Variants in LIG1 observed in about 807,000 individuals in gnomAD.
The protein encoded by LIG1 is ligase I, DNA, ATP-dependent.
Under a neutral mutation model 115.7 loss-of-function variants are expected in LIG1, and 70 were observed. The observed-to-expected ratio is 0.60, with a 90% CI of 0.50 to 0.74. The LOEUF (loss-of-function observed/expected upper bound fraction) is 0.74, where lower values mean the gene tolerates loss of function less well. Ranked by LOEUF, LIG1 falls within the 30% of genes least tolerant of loss-of-function variation. The probability of loss-of-function intolerance (pLI) is 0.00; values close to 1 mark genes in which losing one functional copy is unlikely to be tolerated. For synonymous variants in LIG1, 487 were observed against 495.3 expected (o/e 0.98, Z 0.22); for missense variants, 1,115 against 1,225.6 (o/e 0.91, Z 1.35).
intron 9 of LIG1, chr19:48,145,865 CT>C (rs2035078942): frequency 6.6e-6 from 1 of 152,264 alleles, no homozygotes; most frequent in Non-Finnish European, 1.5e-5. Context: ...CACAGAAAGG[CT>C]AAGTCACTTC....
chr19:48,167,527 G>A (rs928718648), intron 1 of LIG1, among the ~76,000 whole-genome samples: 2 of 151,944 alleles, frequency 1.3e-5, no homozygotes, highest in Non-Finnish European at 2.9e-5. Context: ...ACTCAATTTT[G>A]GAATCAAAAA....
Position 48,143,969 on chromosome 19 carries a change from G to A in LIG1, c.777-6C>T, listed in dbSNP as rs763738541. 10 of 1,609,710 alleles carry A rather than the reference G, an allele frequency of 6.2e-6. No homozygotes were observed. Among genetic ancestry groups the A allele is most frequent in the Non-Finnish European group, 8.5e-6 (10 of 1,176,198 alleles). On this transcript the variant is annotated splice_region_variant and splice_polypyrimidine_tract_variant and intron_variant, in intron 9 of 27. Coordinates refer to ENST00000263274, the MANE Select transcript of LIG1 (RefSeq NM_000234.3). The stretch of plus-strand genomic sequence containing the variant: ...AACCAGATGGATCCAGGGGTCTACG[G>A]AGGCAAAACGGAGATTGAATTGCAT...
intron 12 of LIG1, among the ~76,000 whole-genome samples, chr19:48,138,525 CT>C (rs2034542610): frequency 6.6e-6 from 1 of 152,236 alleles, no homozygotes; most frequent in Non-Finnish European, 1.5e-5. Flanking sequence ...CAGTGTGAGC[CT>C]CACCAATGGG....
intron 17 of LIG1, chr19:48,133,314 C>T (rs879559222): frequency 3.3e-5 from 19 of 578,806 alleles, no homozygotes; most frequent in Non-Finnish European, 4.7e-5. Context: ...TTGGAACCCA[C>T]GCAGCATGTG....
At chr19:48,139,580 T>G (rs935652490) in intron 12 of LIG1, among the ~76,000 whole-genome samples, 5 of 152,262 alleles carry the variant, frequency 3.3e-5, no homozygotes, top group African/African-American at 9.6e-5. Context: ...CCCTTCAGGC[T>G]GCTGGCCCCC....
chr19:48,131,858 C>T (rs534891633), intron 18 of LIG1, among the ~76,000 whole-genome samples: 38 of 151,602 alleles, frequency 2.5e-4, no homozygotes, highest in African/African-American at 8.0e-4. Flanking sequence ...TTGTCACTAT[C>T]GTAAATCATC....
Position 48,137,046 on chromosome 19 carries a change from A to C in LIG1, c.1293T>G (p.Phe431Leu). Residue 431 changes from phenylalanine to leucine, a missense_variant, in exon 14 of 28, where the codon TTT (phenylalanine) becomes TTG (leucine). Transcript: ENST00000263274. This position sits in a 1 kb window ranked among gnomAD's most constrained non-coding sequence, Gnocchi z 4.3. ...GGGCTTCTGAGTGGCGGCAGGCCAC[A>C]AAGAGGCCTTTGATGATGTCTATCT... ...AKKIDIIKGL[F>L]VACRHSEARF... The C allele has an allele frequency of 1.9e-6, 3 of 1,612,462 alleles. No homozygotes were observed. Among genetic ancestry groups the C allele is most frequent in the Non-Finnish European group, 2.5e-6 (3 of 1,179,576 alleles).
intron 25 of LIG1, among the ~76,000 whole-genome samples, chr19:48,118,827 AG>A (rs1473856174): frequency 1.3e-5 from 2 of 152,226 alleles, no homozygotes; most frequent in Non-Finnish European, 2.9e-5. Context: ...CACATTGATC[AG>A]GGCTCACAGG....
chr19:48,145,279 G>T (rs1248893509), intron 9 of LIG1, among the ~76,000 whole-genome samples: 1 of 152,200 alleles, frequency 6.6e-6, no homozygotes, highest in Non-Finnish European at 1.5e-5. Context: ...AATCTGCTCT[G>T]CCCCGGCCAG....
At chr19:48,141,304 T>A (rs1321268079) in intron 11 of LIG1, among the ~76,000 whole-genome samples, 1 of 152,156 alleles carries the variant, frequency 6.6e-6, no homozygotes, top group Non-Finnish European at 1.5e-5. Flanking sequence ...TAATTTTTTT[T>A]AATTTTTAGT....
chr19:48,156,989 GGGGCA>G lies in LIG1; in HGVS notation c.370+20_370+24del, dbSNP rs758069083. ...AGAAAAAGAAAGGCAGGCGACTGAAGGGGCAGGGGCCCGTGTGTTCTCACCTGTGC... is the reference window on the plus strand; with the variant it reads ...AGAAAAAGAAAGGCAGGCGACTGAAGGGGGCCCGTGTGTTCTCACCTGTGC... On this transcript the variant is annotated intron_variant, in intron 5 of 27. Transcript: ENST00000263274. 2 of 423,792 alleles carry G rather than the reference GGGGCA, an allele frequency of 4.7e-6. No individual in the cohort carries two copies. Among genetic ancestry groups the G allele is most frequent in the Admixed American group, 6.2e-5 (1 of 16,142 alleles). 26.3% of individuals were successfully genotyped at this position (423,792 alleles called of 1,614,324 possible). A position where few individuals can be genotyped will look rare whatever the true frequency, so the allele number is the denominator to read the frequency against.
chr19:48,136,048 G>A lies in LIG1; in HGVS notation c.1409C>T (p.Thr470Met), dbSNP rs372266709. 5.8e-5 allele frequency: 91 copies of A among 1,566,768 alleles called. No homozygotes were observed. The highest frequency in any genetic ancestry group is 9.4e-5 in the South Asian group (8 of 85,126). Residue 470 changes from threonine to methionine, a missense_variant, in exon 15 of 28, where the codon ACG becomes ATG. By Grantham distance (81) the Thr-to-Met change is moderately conservative. Transcript: ENST00000263274. ...LAALSQAVSL[T>M]PPGQEFPPAM... is the part of the protein sequence containing the mutation. ...CAGGAGCTCACCTTGGCCCGGGGGC[G>A]TGAGGCTCACTGCCTGGGAGAGGGC...
At chr19:48,151,468 C>T (rs567348847) in intron 6 of LIG1, 129 bp from the exon 7 acceptor site, 60 of 672,720 alleles carry the variant, frequency 8.9e-5, no homozygotes, top group South Asian at 1.8e-4. Flanking sequence ...TCGTTCTTAC[C>T]GCCCAGGCTG....
intron 9 of LIG1, among the ~76,000 whole-genome samples, chr19:48,148,155 G>A (rs2035241036): frequency 6.6e-6 from 1 of 152,150 alleles, no homozygotes; most frequent in Non-Finnish European, 1.5e-5. Flanking sequence ...GGACAGTGTT[G>A]TAGGCCGGGG....
rs201152040 is a variant in LIG1, at chr19:48,150,092, G to A, written c.693C>T (p.Phe231=). 22 of 1,614,090 alleles carry A rather than the reference G, an allele frequency of 1.4e-5. No homozygotes were observed. The highest frequency in any genetic ancestry group is 1.9e-5 in the Non-Finnish European group (22 of 1,180,052). ...GGGTGAGCAAGGGAAACTCACTGAAGAAGCTGCTGAGCGTCTTGGGAGCTC... is the reference window on the plus strand; with the variant it reads ...GGGTGAGCAAGGGAAACTCACTGAAAAAGCTGCTGAGCGTCTTGGGAGCTC... The part of the protein sequence containing the change: ...PRRAPKTLSS[F]FTPRKPAVKK... Residue 231 remains phenylalanine (F), a synonymous_variant, in exon 8 of 28, where the codon TTC becomes TTT. Coordinates refer to ENST00000263274, the MANE Select transcript of LIG1 (RefSeq NM_000234.3).
intron 23 of LIG1, 92 bp from the exon 24 acceptor site, chr19:48,121,414 G>C: frequency 8.1e-7 from 1 of 1,238,596 alleles, no homozygotes; most frequent in Admixed American, 2.9e-5. Context: ...ACTGAGGAGG[G>C]ACTAGAAGTA....
chr19:48,143,531 C>A lies in LIG1; in HGVS notation c.914+12G>T. 1 of 808,080 alleles carries A rather than the reference C, an allele frequency of 1.2e-6. No individual in the cohort carries two copies. Among genetic ancestry groups the A allele is most frequent in the Non-Finnish European group, 2.0e-6 (1 of 511,254 alleles). 50.1% of individuals were successfully genotyped at this position (808,080 alleles called of 1,614,324 possible). On this transcript the variant is annotated intron_variant, in intron 11 of 27. Coordinates refer to ENST00000263274, the MANE Select transcript of LIG1 (RefSeq NM_000234.3). ...GACCCCGCCCCCCACCCAGGCAGTC[C>A]TCATTAGTTACCGAGCAGACACCTC...
At chr19:48,158,903 C>T (rs957979538) in intron 4 of LIG1, among the ~76,000 whole-genome samples, 1 of 152,230 alleles carries the variant, frequency 6.6e-6, no homozygotes, top group African/African-American at 2.4e-5. Flanking sequence ...GGGATGGTCA[C>T]TGCACCCCAC....
intron 3 of LIG1, among the ~76,000 whole-genome samples, chr19:48,162,046 C>T (rs1298994794): frequency 6.6e-6 from 1 of 152,116 alleles, no homozygotes; most frequent in African/African-American, 2.4e-5. Context: ...GGTTCTAGAA[C>T]GAGGCCAAGA....
Sources: allele counts gnomAD v4.1 joint callset (sites outside exome capture counted in the v4.1 genomes callset), GRCh38; gene constraint gnomAD v4.1.1; non-coding constraint Gnocchi (gnomAD v3.1); transcripts MANE v1.5; gene names NCBI Gene and HGNC (gene_info 2026-07-23, HGNC 2026-07-21).